The following CADM2 variants were observed in gnomAD, a reference collection of about 807,000 sequenced individuals.
The protein encoded by CADM2 is immunoglobulin superfamily member 4D.
Under a neutral mutation model 49.8 loss-of-function variants are expected in CADM2, and 12 were observed. The ratio of observed to expected loss-of-function variants is 0.24; its 90% CI spans 0.15 to 0.39. The LOEUF is 0.39. CADM2 is among the 10% of genes least tolerant of loss of function. CADM2 has a pLI of 1.00. For missense variants in CADM2, 378 were observed against 492.3 expected, an observed-to-expected ratio of 0.77 and a Z score of 2.20; for synonymous variants, 214 against 175.4, an observed-to-expected ratio of 1.22 and a Z score of -1.74.
At chr3:85,997,443 T>C (rs957109409) in intron 8 of CADM2, among the ~76,000 whole-genome samples, 5 of 152,208 alleles carry the variant, frequency 3.3e-5, no homozygotes, top group African/African-American at 1.2e-4. Context: ...ATCACTGTTT[T>C]ATTTTAAAAC....
chr3:85,906,688 T>C (rs138544748), intron 5 of CADM2, among the ~76,000 whole-genome samples: 141 of 152,302 alleles, frequency 9.3e-4, no homozygotes, highest in African/African-American at 3.2e-3. Flanking sequence ...CTCAAGAATT[T>C]GTTTGAATTC....
chr3:85,059,642 G>A (rs2036229229), intron 1 of CADM2, among the ~76,000 whole-genome samples: 1 of 152,106 alleles, frequency 6.6e-6, no homozygotes, highest in Admixed American at 6.5e-5. Flanking sequence ...AGTCTTTCCT[G>A]TACTGCTCTC....
intron 1 of CADM2, among the ~76,000 whole-genome samples, chr3:85,579,975 C>A (rs930902982): frequency 2.4e-4 from 36 of 152,130 alleles, no homozygotes; most frequent in Non-Finnish European, 3.2e-4. Flanking sequence ...ACACAGATTT[C>A]TTGTTCTATA....
Position 85,133,432 on chromosome 3 carries a change from CAAAGGTTCTCCAAGGCCCCACCAG to C in CADM2, c.61+173766_61+173789del, listed in dbSNP as rs2039300276. 4.6e-5 allele frequency among the ~76,000 whole-genome samples: 7 copies of C among 152,248 alleles called. No individual in the cohort carries two copies. The South Asian group carries it at 1.4e-3, about 32-fold the overall frequency. ...ATTAACTAGTTACAGAGTGTGGACA[CAAAGGTTCTCCAAGGCCCCACCAG>C]AGTAGCCAGATACAGTGTCGATTGG... is the stretch of plus-strand genomic sequence containing the variant. On this transcript the variant is annotated intron_variant, in intron 1 of 9. Coordinates refer to ENST00000383699, the MANE Select transcript of CADM2 (RefSeq NM_001167675.2).
intron 1 of CADM2, among the ~76,000 whole-genome samples, chr3:85,641,601 G>A (rs1019702930): frequency 2.0e-5 from 3 of 152,044 alleles, no homozygotes; most frequent in Admixed American, 2.0e-4. Context: ...AACCTCTGGG[G>A]GACAGAGATA....
At chr3:85,397,383 A>T (rs1005908836) in intron 1 of CADM2, among the ~76,000 whole-genome samples, 1 of 152,202 alleles carries the variant, frequency 6.6e-6, no homozygotes, top group African/African-American at 2.4e-5. Flanking sequence ...GTATGTGATT[A>T]TATACAACCC....
At chr3:85,739,638 G>A (rs2068294465) in intron 2 of CADM2, among the ~76,000 whole-genome samples, 2 of 152,046 alleles carry the variant, frequency 1.3e-5, no homozygotes, top group African/African-American at 4.8e-5. Context: ...GGAACACAGT[G>A]TGAAAGGGTG....
intron 1 of CADM2, among the ~76,000 whole-genome samples, chr3:85,616,057 G>A (rs1410118302): frequency 6.6e-6 from 1 of 151,922 alleles, no homozygotes; most frequent in South Asian, 2.1e-4. Context: ...AGTTGACTGT[G>A]TAAAATTATG....
At chr3:85,539,691 G>T (rs995937412) in intron 1 of CADM2, among the ~76,000 whole-genome samples, 1 of 151,774 alleles carries the variant, frequency 6.6e-6, no homozygotes, top group Admixed American at 6.6e-5. Flanking sequence ...TTTTTTAATG[G>T]GGTAGAAATG....
At chr3:85,841,133 T>C (rs1379801486) in intron 3 of CADM2, among the ~76,000 whole-genome samples, 27 of 148,770 alleles carry the variant, frequency 1.8e-4, no homozygotes, top group Admixed American at 1.8e-3. Context: ...TATTCAATAT[T>C]ATATTATAAA....
intron 2 of CADM2, among the ~76,000 whole-genome samples, chr3:85,798,597 C>A (rs1225080302): frequency 1.3e-5 from 2 of 152,170 alleles, no homozygotes; most frequent in Non-Finnish European, 2.9e-5. Context: ...GGCATTATTT[C>A]TGAGGACTCT....
chr3:85,096,469 T>TG (rs2037799263), intron 1 of CADM2, among the ~76,000 whole-genome samples: 18 of 152,132 alleles, frequency 1.2e-4, no homozygotes, highest in Admixed American at 1.2e-3. Flanking sequence ...AAAATAGATC[T>TG]TATTAAATAT....
chr3:85,110,130 G>T (rs1315418421), intron 1 of CADM2, among the ~76,000 whole-genome samples: 4 of 151,868 alleles, frequency 2.6e-5, no homozygotes, highest in Non-Finnish European at 5.9e-5. Flanking sequence ...TTATGCTGCT[G>T]AGAGAAAAGA....
intron 1 of CADM2, among the ~76,000 whole-genome samples, chr3:85,530,601 T>C (rs927645158): frequency 2.0e-5 from 3 of 152,112 alleles, no homozygotes; most frequent in East Asian, 3.9e-4. Context: ...AGTGCTGGGA[T>C]TACAGGCGTG....
At chr3:85,877,124 C>A (rs549112114) in intron 3 of CADM2, among the ~76,000 whole-genome samples, 3 of 152,142 alleles carry the variant, frequency 2.0e-5, no homozygotes, top group African/African-American at 7.2e-5. Flanking sequence ...ATTACCCCAC[C>A]GGTGGGTAGC....
intron 1 of CADM2, among the ~76,000 whole-genome samples, chr3:85,101,129 C>T (rs1478361084): frequency 6.6e-6 from 1 of 152,032 alleles, no homozygotes; most frequent in East Asian, 1.9e-4. Flanking sequence ...TGGTGCGCAC[C>T]TGTAATCCCA....
intron 8 of CADM2, chr3:85,979,103 T>C (rs1348400881): frequency 1.3e-6 from 2 of 1,561,574 alleles, no homozygotes; most frequent in Non-Finnish European, 1.8e-6. Context: ...ATTTGAATCA[T>C]TTGTGTTTCT....
intron 3 of CADM2, among the ~76,000 whole-genome samples, chr3:85,827,096 G>A (rs879789276): frequency 1.3e-5 from 2 of 151,834 alleles, no homozygotes; most frequent in African/African-American, 4.8e-5. Context: ...ATGCTGAAAA[G>A]CACCATTAAT....
intron 1 of CADM2, among the ~76,000 whole-genome samples, chr3:85,093,108 T>G (rs1335403904): frequency 6.6e-6 from 1 of 152,170 alleles, no homozygotes; most frequent in Non-Finnish European, 1.5e-5. Flanking sequence ...AATTCATAGG[T>G]CCAGCATTCC....
Sources: allele counts gnomAD v4.1 joint callset (sites outside exome capture counted in the v4.1 genomes callset), GRCh38; gene constraint gnomAD v4.1.1; transcripts MANE v1.5; gene names NCBI Gene and HGNC (gene_info 2026-07-23, HGNC 2026-07-21).